Variants in DOP1A observed in about 807,000 individuals in gnomAD.
DOP1A encodes the protein protein DOP1A.
DOP1A carries 90 observed loss-of-function variants against 267.6 expected under a neutral mutation model. The observed-to-expected ratio is 0.34, with a 90% confidence interval of 0.28 to 0.40. The LOEUF is 0.40. Among genes scored for constraint, DOP1A ranks in the 10% least tolerant of loss-of-function variants. The pLI is 1.00. For synonymous variants in DOP1A, 932 were observed against 999.1 expected, an observed-to-expected ratio of 0.93 and a Z score of 1.27; for missense variants, 2,437 against 2,900.4, an observed-to-expected ratio of 0.84 and a Z score of 3.67.
intron 1 of DOP1A, among the ~76,000 whole-genome samples, chr6:83,074,874 G>C (rs1356339298): frequency 6.6e-6 from 1 of 152,182 alleles, no homozygotes; most frequent in Non-Finnish European, 1.5e-5. Flanking sequence ...AATGCTAAAT[G>C]AAATGTTGAA....
chr6:83,117,006 A>G (rs1276901460), intron 7 of DOP1A, among the ~76,000 whole-genome samples: 1 of 152,156 alleles, frequency 6.6e-6, no homozygotes, highest in Admixed American at 6.5e-5. Flanking sequence ...TCTTCGGGTA[A>G]AAATGGCATT....
At chr6:83,155,138 G>A (rs569192581) in intron 33 of DOP1A, among the ~76,000 whole-genome samples, 22 of 152,120 alleles carry the variant, frequency 1.4e-4, no homozygotes, top group Non-Finnish European at 2.9e-4. Context: ...AAGGCCTAGG[G>A]TCAAAATATT....
chr6:83,170,351 G>C, downstream of DOP1A: 1 of 1,614,130 alleles, frequency 6.2e-7, no homozygotes, highest in Non-Finnish European at 8.5e-7. Context: ...TTCTGTACCA[G>C]AGGGCCGGAC....
intron 5 of DOP1A, 95 bp from the exon 6 acceptor site, chr6:83,110,030 T>C (rs970271046): frequency 2.3e-5 from 30 of 1,279,302 alleles, no homozygotes; most frequent in Non-Finnish European, 3.1e-5. Flanking sequence ...GACTGTAGCA[T>C]GGGTGTTTGC....
chr6:83,141,049 A>G (rs1310946218), intron 23 of DOP1A, among the ~76,000 whole-genome samples: 1 of 152,180 alleles, frequency 6.6e-6, no homozygotes, highest in Non-Finnish European at 1.5e-5. Context: ...AGTGTTCATT[A>G]TAGTATTATT....
At chr6:83,156,803 T>C (rs1040136131) in intron 34 of DOP1A, among the ~76,000 whole-genome samples, 16 of 152,226 alleles carry the variant, frequency 1.1e-4, no homozygotes, top group African/African-American at 3.6e-4. Context: ...ATTTCAGATA[T>C]GCAAAATGTA....
chr6:83,144,015 G>A (rs1035584007), intron 24 of DOP1A, among the ~76,000 whole-genome samples: 2 of 152,130 alleles, frequency 1.3e-5, no homozygotes, highest in African/African-American at 4.8e-5. Context: ...CAGCAACACT[G>A]GGAATTTTGA....
Position 83,104,610 on chromosome 6 carries a change from T to C in DOP1A, c.320+3724T>C, listed in dbSNP as rs112703618. Among the ~76,000 whole-genome samples, 1,346 of 152,272 alleles carry C rather than the reference T, an allele frequency of 8.8e-3. 18 individuals are homozygous for C. The highest frequency in any genetic ancestry group is 0.031 in the African/African-American group (1,278 of 41,584). ...TAGAAGGTTTTATCTGAAATTTATC[T>C]TTGTGGGAAGATTTGTAATTACAGA... On this transcript the variant is annotated intron_variant, in intron 4 of 38. Transcript: ENST00000349129.
At position 83,129,591 on chromosome 6, in the gene DOP1A, G is replaced by T. The variant is rs574806463; in HGVS notation, c.2341+83G>T. ...TTTAAAAGAGGCACTCAAAACTGGGGTTTTTTTAGCCAGTTACTTTTTTTA... is the reference window on the plus strand; with the variant it reads ...TTTAAAAGAGGCACTCAAAACTGGGTTTTTTTTAGCCAGTTACTTTTTTTA... On this transcript the variant is annotated intron_variant, in intron 16 of 38. Coordinates refer to ENST00000349129, the MANE Select transcript of DOP1A (RefSeq NM_015018.4). 60 of 1,301,560 alleles carry T rather than the reference G, an allele frequency of 4.6e-5. No homozygotes were observed. The African/African-American group carries it at 5.2e-4, about 11-fold the overall frequency. The allele number at this position is 1,301,560 out of a possible 1,614,324, so 80.6% of individuals were successfully genotyped here.
At chr6:83,126,133 T>C (rs1243776053) in intron 15 of DOP1A, among the ~76,000 whole-genome samples, 1 of 150,826 alleles carries the variant, frequency 6.6e-6, no homozygotes, top group African/African-American at 2.4e-5. Context: ...CTAGTGTGCA[T>C]TTTACACTTA....
intron 1 of DOP1A, among the ~76,000 whole-genome samples, chr6:83,082,103 CAGTA>C (rs964286993): frequency 3.3e-5 from 5 of 151,990 alleles, no homozygotes; most frequent in African/African-American, 9.7e-5. Flanking sequence ...TTATGGAAAA[CAGTA>C]AGGAGGGGCC....
chr6:83,088,448 G>A, intron 1 of DOP1A, among the ~76,000 whole-genome samples: 1 of 134,442 alleles, frequency 7.4e-6, no homozygotes, highest in South Asian at 2.4e-4. Context: ...TTTTGAGATG[G>A]AGTCTCACTC....
chr6:83,146,726 AG>A (rs1780702830), intron 25 of DOP1A, among the ~76,000 whole-genome samples: 1 of 152,200 alleles, frequency 6.6e-6, no homozygotes, highest in South Asian at 2.1e-4. Context: ...TTAATTTCCA[AG>A]GGCAGGTGTT....
chr6:83,109,181 G>T, intron 5 of DOP1A, 101 bp downstream of exon 5: 3 of 1,056,324 alleles, frequency 2.8e-6, no homozygotes, highest in Non-Finnish European at 4.1e-6. Flanking sequence ...AATTATTCTA[G>T]ACAGTTCAGT....
chr6:83,162,126 G>T (rs1784370341), intron 37 of DOP1A, among the ~76,000 whole-genome samples: 1 of 152,004 alleles, frequency 6.6e-6, no homozygotes, highest in Non-Finnish European at 1.5e-5. Context: ...ACTCTTTTGG[G>T]CATAAACTCT....
At chr6:83,091,915 C>G (rs1212706671) in intron 1 of DOP1A, among the ~76,000 whole-genome samples, 2 of 152,118 alleles carry the variant, frequency 1.3e-5, no homozygotes, top group Non-Finnish European at 2.9e-5. Context: ...TATGTGCTTT[C>G]AGAAAATCCA....
chr6:83,127,690 G>A (rs912346311), intron 15 of DOP1A, among the ~76,000 whole-genome samples: 2 of 152,148 alleles, frequency 1.3e-5, no homozygotes, highest in African/African-American at 4.8e-5. Flanking sequence ...AACAAGATAC[G>A]AGGAGTAAAA....
At chr6:83,089,607 A>T (rs1179203043) in intron 1 of DOP1A, among the ~76,000 whole-genome samples, 1 of 152,214 alleles carries the variant, frequency 6.6e-6, no homozygotes, top group Non-Finnish European at 1.5e-5. Context: ...CCCTAGAAGA[A>T]AGATTACAAA....
chr6:83,108,120 A>C (rs1773950547), intron 4 of DOP1A, among the ~76,000 whole-genome samples: 1 of 152,334 alleles, frequency 6.6e-6, no homozygotes, highest in South Asian at 2.1e-4. Context: ...AAAAATATCT[A>C]GGAGAGTGAC....
Sources: gnomAD v4.1 joint callset for allele counts (sites outside exome capture counted in the v4.1 genomes callset) on GRCh38, gnomAD v4.1.1 for gene constraint, MANE v1.5 for transcripts, NCBI Gene and HGNC (gene_info 2026-07-23, HGNC 2026-07-21) for gene names.